NME8: variants seen among roughly 807,000 people sequenced by gnomAD.
NME8 encodes the protein NME/NM23 family member 8.
Under a neutral mutation model 82.3 loss-of-function variants are expected in NME8, and 72 were observed. That is an observed-to-expected ratio of 0.87 (90% confidence interval 0.72 to 1.06). The LOEUF (loss-of-function observed/expected upper bound fraction) is 1.06, where lower values mean the gene tolerates loss of function less well. Ranked by LOEUF, NME8 falls within the 50% of genes least tolerant of loss-of-function variation. NME8 has a pLI of 0.00. For missense variants in NME8, 712 were observed against 685.4 expected, an observed-to-expected ratio of 1.04 and a Z score of -0.43; for synonymous variants, 267 against 228.5, an observed-to-expected ratio of 1.17 and a Z score of -1.52.
intron 15 of NME8, 120 bp downstream of exon 15, chr7:37,888,548 G>C: frequency 1.2e-6 from 1 of 830,690 alleles, no homozygotes; most frequent in Non-Finnish European, 2.0e-6. Flanking sequence ...GAAAAGTTGC[G>C]ATGAGTACTC....
intron 11 of NME8, among the ~76,000 whole-genome samples, chr7:37,874,252 A>G (rs1475141528): frequency 6.6e-6 from 1 of 152,198 alleles, no homozygotes; most frequent in African/African-American, 2.4e-5. Flanking sequence ...GGGTTTTATA[A>G]TATAACAGCT....
At chr7:37,893,791 C>T (rs1480330637) in intron 15 of NME8, among the ~76,000 whole-genome samples, 2 of 152,058 alleles carry the variant, frequency 1.3e-5, no homozygotes, top group African/African-American at 4.8e-5. Flanking sequence ...TGTTTTCTTC[C>T]CTTTCATTTC....
intron 5 of NME8, among the ~76,000 whole-genome samples, chr7:37,851,165 A>G (rs555062747): frequency 6.6e-6 from 1 of 152,248 alleles, no homozygotes; most frequent in African/African-American, 2.4e-5. Context: ...GCAATAAGGG[A>G]TTAAAATATT....
intron 6 of NME8, among the ~76,000 whole-genome samples, chr7:37,858,016 G>A (rs946778741): frequency 5.9e-5 from 9 of 151,924 alleles, no homozygotes; most frequent in Admixed American, 1.3e-4. Flanking sequence ...GGCCAACATA[G>A]GGAGACCACA....
At chr7:37,871,841 A>G (rs1784771095) in intron 11 of NME8, among the ~76,000 whole-genome samples, 1 of 152,196 alleles carries the variant, frequency 6.6e-6, no homozygotes, top group African/African-American at 2.4e-5. Context: ...TAAATTAAAC[A>G]TAATAGATAC....
chr7:37,895,678 T>G (rs1363613198), intron 16 of NME8, among the ~76,000 whole-genome samples: 2 of 152,128 alleles, frequency 1.3e-5, no homozygotes, highest in Non-Finnish European at 2.9e-5. Flanking sequence ...CAATAATGAA[T>G]CACATGTACA....
At chr7:37,869,346 G>A (rs1283588474) in intron 11 of NME8, among the ~76,000 whole-genome samples, 1 of 152,096 alleles carries the variant, frequency 6.6e-6, no homozygotes, top group Admixed American at 6.6e-5. Context: ...CTGAGGGAAG[G>A]TTTGTTGGGT....
intron 16 of NME8, among the ~76,000 whole-genome samples, chr7:37,896,287 G>C (rs1173565261): frequency 2.0e-5 from 3 of 152,338 alleles, no homozygotes; most frequent in African/African-American, 7.2e-5. Context: ...GAAGCTGGAA[G>C]TTTCTTGTTC....
At chr7:37,882,419 G>A (rs1030306627) in intron 12 of NME8, among the ~76,000 whole-genome samples, 1 of 151,874 alleles carries the variant, frequency 6.6e-6, no homozygotes, top group East Asian at 1.9e-4. Flanking sequence ...CCTGGAAGGT[G>A]GAGGTTGCAG....
chr7:37,875,882 G>A (rs562621820), intron 11 of NME8, among the ~76,000 whole-genome samples: 1 of 152,048 alleles, frequency 6.6e-6, no homozygotes, highest in South Asian at 2.1e-4. Context: ...GTAAGGATGA[G>A]AGGAATTAAA....
At chr7:37,898,013 C>A (rs1390994937) in intron 17 of NME8, among the ~76,000 whole-genome samples, 1 of 152,136 alleles carries the variant, frequency 6.6e-6, no homozygotes, top group Non-Finnish European at 1.5e-5. Context: ...TGGGTATAAA[C>A]CTAGTAATGA....
intron 16 of NME8, among the ~76,000 whole-genome samples, chr7:37,896,195 A>G (rs983991642): frequency 6.6e-6 from 1 of 152,244 alleles, no homozygotes; most frequent in Admixed American, 6.5e-5. Flanking sequence ...ATTGAGATAT[A>G]AATAATAAGC....
At chr7:37,887,277 C>T (rs180769683) in intron 14 of NME8, among the ~76,000 whole-genome samples, 1 of 152,248 alleles carries the variant, frequency 6.6e-6, no homozygotes, top group Admixed American at 6.5e-5. Context: ...CAAAGCTGTC[C>T]TGTCTACTTC....
intron 6 of NME8, among the ~76,000 whole-genome samples, chr7:37,859,737 C>A (rs1784570951): frequency 6.6e-6 from 1 of 152,148 alleles, no homozygotes; most frequent in African/African-American, 2.4e-5. Context: ...CCTGCCATCA[C>A]CTTGAGGACT....
intron 10 of NME8, among the ~76,000 whole-genome samples, chr7:37,866,272 G>C (rs1477988957): frequency 6.6e-6 from 1 of 152,062 alleles, no homozygotes; most frequent in Admixed American, 6.6e-5. Flanking sequence ...CACATTTTAA[G>C]TGTTCAAATC....
chr7:37,852,762 A>G (rs892533019), intron 5 of NME8, among the ~76,000 whole-genome samples: 1 of 152,170 alleles, frequency 6.6e-6, no homozygotes, highest in South Asian at 2.1e-4. Flanking sequence ...GTTGCTTCCA[A>G]CTTTTAGCAG....
intron 5 of NME8, among the ~76,000 whole-genome samples, chr7:37,854,334 G>C (rs979767826): frequency 1.3e-5 from 2 of 152,088 alleles, no homozygotes; most frequent in Admixed American, 1.3e-4. Flanking sequence ...ACATTGAGTA[G>C]GTTGAGGAGG....
chr7:37,856,100 G>A (rs1306361239), intron 5 of NME8, among the ~76,000 whole-genome samples: 1 of 152,152 alleles, frequency 6.6e-6, no homozygotes. Flanking sequence ...AACATCCCTA[G>A]TAGCACTTTA....
chr7:37,862,137 G>C lies in NME8; in HGVS notation c.380G>C (p.Arg127Pro). The C allele has an allele frequency of 6.2e-7, 1 of 1,600,374 alleles. No individual in the cohort carries two copies. Among genetic ancestry groups the C allele is most frequent in the Non-Finnish European group, 8.6e-7 (1 of 1,167,704 alleles). ...AAAATTGCAGCAGGTGAAATGGCTC[G>C]ACCTCAGGTAATACTTTGGATTAAC... ...ERKIAAGEMARPQYPEIPLVD... is the reference protein window; with the variant it reads ...ERKIAAGEMAPPQYPEIPLVD... Residue 127 changes from arginine (R) to proline (P), a missense_variant, in exon 7 of 18, where the codon CGA becomes CCA. Coordinates refer to ENST00000199447, the MANE Select transcript of NME8 (RefSeq NM_016616.5).
Sources: allele counts gnomAD v4.1 joint callset (sites outside exome capture counted in the v4.1 genomes callset), GRCh38; gene constraint gnomAD v4.1.1; transcripts MANE v1.5; gene names NCBI Gene and HGNC (gene_info 2026-07-23, HGNC 2026-07-21).